Variants in NPAS3 observed in about 807,000 individuals in gnomAD.
NPAS3 encodes the protein neuronal PAS domain-containing protein 3.
Under a neutral mutation model 73.1 loss-of-function variants are expected in NPAS3, and 14 were observed. The observed-to-expected ratio is 0.19, with a 90% CI of 0.13 to 0.30. The LOEUF is 0.30. NPAS3 is among the 10% of genes least tolerant of loss of function. The pLI is 1.00. For missense variants in NPAS3, 1,096 were observed against 1,250.0 expected, an observed-to-expected ratio of 0.88 and a Z score of 1.86; for synonymous variants, 620 against 541.5, an observed-to-expected ratio of 1.14 and a Z score of -2.01.
At chr14:33,029,404 T>C (rs542131886) in intron 1 of NPAS3, among the ~76,000 whole-genome samples, 40 of 152,328 alleles carry the variant, frequency 2.6e-4, no homozygotes, top group African/African-American at 8.4e-4. Flanking sequence ...GATCATCTAA[T>C]AATCTGGAGA....
chr14:33,440,115 C>CAAAA (rs368527118), intron 4 of NPAS3, among the ~76,000 whole-genome samples: 1 of 110,172 alleles, frequency 9.1e-6, no homozygotes, highest in Non-Finnish European at 1.9e-5. Flanking sequence ...CAGTCTGTCT[C>CAAAA]AAAAAAAAAA....
chr14:33,697,813 A>G lies in NPAS3; in HGVS notation c.733+21428A>G, dbSNP rs566475903. Among the ~76,000 whole-genome samples the G allele has an allele frequency of 2.0e-5, 3 of 152,338 alleles. No individual in the cohort carries two copies. The South Asian group carries it at 6.2e-4, about 32-fold the overall frequency. On this transcript the variant is annotated intron_variant, in intron 6 of 11. Coordinates refer to ENST00000356141, the Ensembl canonical transcript of NPAS3. ...TCATGGCGAGTGAGATTTTATTAAT[A>G]GATTGTTAAATGTGCTAAAGAATTG...
At chr14:33,366,451 T>G (rs577729306) in intron 3 of NPAS3, among the ~76,000 whole-genome samples, 193 of 152,198 alleles carry the variant, frequency 1.3e-3, no homozygotes, top group African/African-American at 4.5e-3. Context: ...GCAAAGCAGG[T>G]GAAGCGTGCC....
chr14:33,384,499 G>A (rs1180292728), intron 4 of NPAS3, among the ~76,000 whole-genome samples: 1 of 151,782 alleles, frequency 6.6e-6, no homozygotes, highest in East Asian at 1.9e-4. Flanking sequence ...GGAAGCCGAG[G>A]TGGGTGGATC....
intron 5 of NPAS3, among the ~76,000 whole-genome samples, chr14:33,666,118 G>A (rs751050750): frequency 3.9e-5 from 6 of 152,230 alleles, no homozygotes; most frequent in South Asian, 2.1e-4. Flanking sequence ...AGGGGAAAAC[G>A]GTTAATGAAC....
chr14:33,153,755 T>C (rs1333270545), intron 2 of NPAS3, among the ~76,000 whole-genome samples: 2 of 152,164 alleles, frequency 1.3e-5, no homozygotes, highest in African/African-American at 4.8e-5. Context: ...CTCAGTTCCA[T>C]GGGTGACTGG....
chr14:33,520,472 G>T (rs2053507164), intron 4 of NPAS3, among the ~76,000 whole-genome samples: 1 of 151,908 alleles, frequency 6.6e-6, no homozygotes, highest in African/African-American at 2.4e-5. Context: ...TTTATCTGGG[G>T]GAAGAAAAAA....
chr14:33,051,190 C>T (rs940270903), intron 1 of NPAS3, among the ~76,000 whole-genome samples: 21 of 148,870 alleles, frequency 1.4e-4, no homozygotes, highest in Non-Finnish European at 3.0e-4. Flanking sequence ...AGGAGAATGG[C>T]GTGAACCCAG....
intron 1 of NPAS3, among the ~76,000 whole-genome samples, chr14:32,970,519 A>G (rs879324045): frequency 6.6e-6 from 1 of 152,182 alleles, no homozygotes; most frequent in Non-Finnish European, 1.5e-5. Context: ...AAAAATAATT[A>G]CCCTACTGTA....
intron 2 of NPAS3, among the ~76,000 whole-genome samples, chr14:33,090,748 G>A (rs1438196992): frequency 6.6e-6 from 1 of 152,192 alleles, no homozygotes; most frequent in African/African-American, 2.4e-5. Context: ...ATATTTGGAA[G>A]TAAAGCACTC....
intron 1 of NPAS3, among the ~76,000 whole-genome samples, chr14:33,012,253 G>A (rs2039230908): frequency 6.6e-6 from 1 of 152,090 alleles, no homozygotes; most frequent in Non-Finnish European, 1.5e-5. Flanking sequence ...CTTCTCAAGT[G>A]GTAGGGGTGT....
chr14:33,729,876 C>G (rs2061359463), intron 6 of NPAS3, among the ~76,000 whole-genome samples: 1 of 152,056 alleles, frequency 6.6e-6, no homozygotes, highest in Non-Finnish European at 1.5e-5. Flanking sequence ...TTAAAACTAC[C>G]ACAGATGTCA....
chr14:33,050,158 G>A (rs2040653118), intron 1 of NPAS3, among the ~76,000 whole-genome samples: 1 of 152,186 alleles, frequency 6.6e-6, no homozygotes, highest in Non-Finnish European at 1.5e-5. Flanking sequence ...CTTGGGCCCT[G>A]TGTTTCAGAA....
intron 5 of NPAS3, among the ~76,000 whole-genome samples, chr14:33,615,149 G>A (rs559058543): frequency 2.6e-5 from 4 of 152,158 alleles, no homozygotes; most frequent in South Asian, 2.1e-4. Flanking sequence ...CATGGCCCGC[G>A]GATTAGGTTT....
intron 3 of NPAS3, among the ~76,000 whole-genome samples, chr14:33,241,746 A>G (rs1270390554): frequency 2.6e-5 from 4 of 152,074 alleles, no homozygotes; most frequent in Non-Finnish European, 5.9e-5. Flanking sequence ...TGTTGAATAA[A>G]GAAAGTATCC....
intron 3 of NPAS3, among the ~76,000 whole-genome samples, chr14:33,246,981 T>A (rs917991163): frequency 1.7e-4 from 26 of 150,672 alleles, no homozygotes; most frequent in African/African-American, 6.4e-4. Flanking sequence ...GTTATTGCGC[T>A]CCCACCTGGG....
At chr14:33,454,746 T>C (rs1045198292) in intron 4 of NPAS3, among the ~76,000 whole-genome samples, 1 of 152,136 alleles carries the variant, frequency 6.6e-6, no homozygotes, top group South Asian at 2.1e-4. Context: ...TTTCTACCGC[T>C]CAACTATTAC....
At chr14:33,643,122 A>T (rs1259349853) in intron 5 of NPAS3, among the ~76,000 whole-genome samples, 2 of 152,050 alleles carry the variant, frequency 1.3e-5, no homozygotes, top group Non-Finnish European at 2.9e-5. Context: ...GTGACTAGGA[A>T]CTATTTTCTT....
rs1272036734 is a variant in NPAS3 at position 33,153,943 on chromosome 14, C to T, written c.141-61239C>T. On this transcript the variant is annotated intron_variant, in intron 2 of 11. Coordinates refer to ENST00000356141, the Ensembl canonical transcript of NPAS3. ...TATCTCTTCCCCTGTTTTCCCAGTTCTTACGGGTTTATGTCTTACATGTAA... is the reference window on the plus strand; with the variant it reads ...TATCTCTTCCCCTGTTTTCCCAGTTTTTACGGGTTTATGTCTTACATGTAA... 2.6e-5 allele frequency among the ~76,000 whole-genome samples: 4 copies of T among 152,172 alleles called. No individual in the cohort carries two copies. The East Asian group carries it at 5.8e-4, about 22-fold the overall frequency.
Sources: gnomAD v4.1 joint callset for allele counts (sites outside exome capture counted in the v4.1 genomes callset) on GRCh38, gnomAD v4.1.1 for gene constraint, MANE v1.5 for transcripts, NCBI Gene and HGNC (gene_info 2026-07-23, HGNC 2026-07-21) for gene names.